The following DCLRE1C variants were observed in gnomAD, a reference collection of about 807,000 sequenced individuals.
DCLRE1C encodes DNA cross-link repair 1C.
A neutral mutation model predicts 61.4 loss-of-function variants in DCLRE1C; 47 were observed. That is an observed-to-expected ratio of 0.77 (90% CI 0.61 to 0.98). The LOEUF is 0.98. DCLRE1C is among the 50% of genes least tolerant of loss of function. The pLI is 0.00. For missense variants in DCLRE1C, 858 were observed against 816.0 expected, an observed-to-expected ratio of 1.05 and a Z score of -0.63; for synonymous variants, 337 against 287.6, an observed-to-expected ratio of 1.17 and a Z score of -1.74.
At chr10:14,919,980 C>A (rs1836834824) in intron 12 of DCLRE1C, 148 bp from the exon 13 acceptor site, 5 of 698,928 alleles carry the variant, frequency 7.2e-6, no homozygotes, top group Non-Finnish European at 1.3e-5. Context: ...AGGGAAATCA[C>A]ACAACTACTT....
At chr10:14,923,131 A>G in intron 11 of DCLRE1C, 62 bp from the exon 12 acceptor site, 1 of 1,275,352 alleles carries the variant, frequency 7.8e-7, no homozygotes, top group South Asian at 1.2e-5. Flanking sequence ...GTTAGGGGAG[A>G]TAAAGGGAGG....
intron 13 of DCLRE1C, among the ~76,000 whole-genome samples, chr10:14,910,633 A>G (rs1285316806): frequency 6.6e-6 from 1 of 152,186 alleles, no homozygotes; most frequent in African/African-American, 2.4e-5. Context: ...TATGATCTCT[A>G]AGTTGAACAG....
At chr10:14,943,433 T>C (rs1841191156) in intron 3 of DCLRE1C, among the ~76,000 whole-genome samples, 2 of 152,226 alleles carry the variant, frequency 1.3e-5, no homozygotes, top group Non-Finnish European at 2.9e-5. Flanking sequence ...CTCTGACATT[T>C]TGGCCTTCTG....
intron 10 of DCLRE1C, among the ~76,000 whole-genome samples, 195 bp from the exon 11 acceptor site, chr10:14,927,092 C>T (rs1382892960): frequency 1.3e-5 from 2 of 152,166 alleles, no homozygotes; most frequent in Admixed American, 6.6e-5. Context: ...AAGTGGAAAC[C>T]TGTTGTAGAC....
downstream of DCLRE1C, among the ~76,000 whole-genome samples, chr10:14,900,650 A>G (rs80321264): frequency 7.5e-4 from 115 of 152,326 alleles, 3 homozygotes; most frequent in East Asian, 0.02. Context: ...TAGTATTCTC[A>G]AAACATTGAA....
intron 13 of DCLRE1C, 127 bp from the exon 14 acceptor site, chr10:14,909,457 A>C (rs967976980): frequency 3.3e-5 from 27 of 811,202 alleles, no homozygotes; most frequent in Non-Finnish European, 5.0e-5. Flanking sequence ...AAGGGAAAAG[A>C]TATTCTTGGG....
chr10:14,908,992 T>C lies in DCLRE1C; in HGVS notation c.1495A>G (p.Ile499Val). The C allele has an allele frequency of 6.2e-7, 1 of 1,614,044 alleles. No homozygotes were observed. Among genetic ancestry groups the C allele is most frequent in the Non-Finnish European group, 8.5e-7 (1 of 1,179,974 alleles). The stretch of plus-strand genomic sequence containing the variant: ...AAGTTTTCCAAACTCTCATCTGTGA[T>C]TTCATCATTTCTTTTAAAGAATACT... The part of the protein sequence containing the change: ...WEVFFKRNDE[I>V]TDESLENFPS... Residue 499 changes from isoleucine (I) to valine (V), a missense_variant, in exon 14 of 14, where the codon ATC becomes GTC. Transcript: ENST00000378278.
At chr10:14,949,680 T>C (rs1842178052) in intron 1 of DCLRE1C, among the ~76,000 whole-genome samples, 1 of 152,268 alleles carries the variant, frequency 6.6e-6, no homozygotes, top group Non-Finnish European at 1.5e-5. Context: ...AAGTATATCA[T>C]GCATTCCAAT....
chr10:14,934,452 C>T lies in DCLRE1C; in HGVS notation c.606G>A (p.Val202=), dbSNP rs781179035. 19 of 1,614,062 alleles carry T rather than the reference C, an allele frequency of 1.2e-5. No individual in the cohort carries two copies. In the Admixed American group the frequency reaches 3.2e-4, roughly 27 times the overall value. Residue 202 remains valine, a synonymous_variant, in exon 8 of 14, where the codon GTG becomes GTA. Coordinates refer to ENST00000378278, the MANE Select transcript of DCLRE1C (RefSeq NM_001033855.3). ...SWITRSPYHV[V]WLNCKAAYGY... ...CATAAGCCGCTTTGCAGTTCAGCCA[C>T]ACAACATGGTACGGGCTCCGAGTGA...
At chr10:14,953,240 A>C (rs902488585) in intron 1 of DCLRE1C, among the ~76,000 whole-genome samples, 11 of 152,244 alleles carry the variant, frequency 7.2e-5, no homozygotes, top group African/African-American at 2.7e-4. Context: ...AGCGGTATTT[A>C]AACTCTGGAA....
chr10:14,928,005 T>C lies in DCLRE1C; in HGVS notation c.917+11A>G. 1 of 1,613,600 alleles carries C rather than the reference T, an allele frequency of 6.2e-7. No individual in the cohort carries two copies. Among genetic ancestry groups the C allele is most frequent in the South Asian group, 1.1e-5 (1 of 91,072 alleles). On this transcript the variant is annotated intron_variant, in intron 10 of 13. Coordinates refer to ENST00000378278, the MANE Select transcript of DCLRE1C (RefSeq NM_001033855.3). ...GTTTCTCTCAGAAGACCTATGATAT[T>C]GCTCTCTTACCTCACAATTACATTT...
intron 4 of DCLRE1C, among the ~76,000 whole-genome samples, chr10:14,937,812 T>C (rs1840194859): frequency 6.8e-6 from 1 of 146,972 alleles, no homozygotes; most frequent in Non-Finnish European, 1.5e-5. Flanking sequence ...GAGAATCGCT[T>C]GAAACCAGGA....
At chr10:14,929,226 G>A (rs1838554667) in intron 9 of DCLRE1C, among the ~76,000 whole-genome samples, 1 of 151,984 alleles carries the variant, frequency 6.6e-6, no homozygotes, top group African/African-American at 2.4e-5. Context: ...CCAACATGGT[G>A]AAACTCTGTC....
chr10:14,919,435 TAACA>T (rs537171933), intron 13 of DCLRE1C, among the ~76,000 whole-genome samples: 37 of 152,316 alleles, frequency 2.4e-4, no homozygotes, highest in Admixed American at 2.0e-3. Flanking sequence ...TGTTCAAGGA[TAACA>T]AACCAGCCTC....
chr10:14,934,825 G>C (rs749625811), intron 6 of DCLRE1C, 50 bp from the exon 7 acceptor site: 2 of 1,427,108 alleles, frequency 1.4e-6, no homozygotes, highest in South Asian at 1.2e-5. Context: ...TATAAATTAT[G>C]TGTAACTTTT....
chr10:14,899,848 G>C (rs1029271379), downstream of DCLRE1C, among the ~76,000 whole-genome samples: 1 of 152,160 alleles, frequency 6.6e-6, no homozygotes. Flanking sequence ...TATTATTGCT[G>C]TATTAGGAAA....
At chr10:14,937,763 C>A (rs1402042878) in intron 4 of DCLRE1C, among the ~76,000 whole-genome samples, 2 of 151,860 alleles carry the variant, frequency 1.3e-5, no homozygotes, top group East Asian at 1.9e-4. Flanking sequence ...TGGTGGTGGG[C>A]AGCACCTGTA....
In DCLRE1C at chr10:14,912,115, T is replaced by C. The variant is rs150543266; in HGVS notation, c.1157-2785A>G. On this transcript the variant is annotated intron_variant, in intron 13 of 13. Coordinates refer to ENST00000378278, the MANE Select transcript of DCLRE1C (RefSeq NM_001033855.3). ...AGCCCTAAAGCCAGTGTGGCTGTTATCTAGAGATGGACCTCTAGGGAAATA... is the reference window on the plus strand; with the variant it reads ...AGCCCTAAAGCCAGTGTGGCTGTTACCTAGAGATGGACCTCTAGGGAAATA... 5.2e-3 allele frequency among the ~76,000 whole-genome samples: 795 copies of C among 152,370 alleles called. 4 individuals are homozygous for C. The highest frequency in any genetic ancestry group is 0.018 in the African/African-American group (752 of 41,590).
chr10:14,912,306 T>A (rs1274379730), intron 13 of DCLRE1C, among the ~76,000 whole-genome samples: 1 of 152,214 alleles, frequency 6.6e-6, no homozygotes, highest in Non-Finnish European at 1.5e-5. Flanking sequence ...TCCATCCGCC[T>A]CGGCCTCCCA....
Sources: gnomAD v4.1 joint callset for allele counts (sites outside exome capture counted in the v4.1 genomes callset) on GRCh38, gnomAD v4.1.1 for gene constraint, MANE v1.5 for transcripts, NCBI Gene and HGNC (gene_info 2026-07-23, HGNC 2026-07-21) for gene names.